WASF2: variants seen among roughly 807,000 people sequenced by gnomAD.
WASF2 encodes WASP family member 2.
A neutral mutation model predicts 45.0 loss-of-function variants in WASF2; 14 were observed. The observed-to-expected ratio is 0.31, with a 90% CI of 0.21 to 0.49. The LOEUF (loss-of-function observed/expected upper bound fraction) is 0.49, where lower values mean the gene tolerates loss of function less well. WASF2 is among the 20% of genes least tolerant of loss of function. The probability of loss-of-function intolerance (pLI) is 0.99; values close to 1 mark genes in which losing one functional copy is unlikely to be tolerated. For missense variants in WASF2, 439 were observed against 636.1 expected (o/e 0.69, Z 3.33); for synonymous variants, 200 against 236.3 (o/e 0.85, Z 1.41).
At chr1:27,418,869 T>G in intron 3 of WASF2, 85 bp downstream of exon 3, 2 of 1,349,560 alleles carry the variant, frequency 1.5e-6, no homozygotes, top group Non-Finnish European at 2.0e-6. Flanking sequence ...CTCCTCACGT[T>G]TTTTTTTTTT....
At chr1:27,469,258 T>C (rs1477950773) in intron 1 of WASF2, among the ~76,000 whole-genome samples, 2 of 152,208 alleles carry the variant, frequency 1.3e-5, no homozygotes, top group Admixed American at 6.5e-5. Flanking sequence ...GAGCTAATAA[T>C]TGTTGAAGCT....
intron 1 of WASF2, among the ~76,000 whole-genome samples, chr1:27,454,100 CAT>C (rs1193325116): frequency 1.7e-4 from 22 of 130,750 alleles, no homozygotes; most frequent in Admixed American, 1.1e-3. Flanking sequence ...AATATATATA[CAT>C]ATATATGTGT....
intron 1 of WASF2, among the ~76,000 whole-genome samples, chr1:27,437,466 A>G (rs532424382): frequency 6.6e-6 from 1 of 152,350 alleles, no homozygotes; most frequent in African/African-American, 2.4e-5. Flanking sequence ...TTTTGTATGC[A>G]AAGTATTCTG....
At position 27,404,575 on chromosome 1, in the gene WASF2, C is replaced by G; in HGVS notation, c.*3614G>C. ...CCTACTACACATATACCCCCCTTCCCTAAAATCTTGATGTGGCAAACACAC... is the reference window on the plus strand; with the variant it reads ...CCTACTACACATATACCCCCCTTCCGTAAAATCTTGATGTGGCAAACACAC... On this transcript the variant is annotated 3_prime_UTR_variant, in exon 9 of 9. Transcript: ENST00000618852. 1 of 152,140 alleles carries G rather than the reference C, an allele frequency of 6.6e-6. No individual in the cohort carries two copies. Among genetic ancestry groups the G allele is most frequent in the Middle Eastern group, 3.2e-3 (1 of 316 alleles). The allele number at this position is 152,140 out of a possible 1,614,324, so 9.4% of individuals were successfully genotyped here. A position where few individuals can be genotyped will look rare whatever the true frequency, so the allele number is the denominator to read the frequency against.
intron 1 of WASF2, among the ~76,000 whole-genome samples, chr1:27,445,656 G>C (rs1016827974): frequency 2.0e-5 from 3 of 152,046 alleles, no homozygotes; most frequent in Admixed American, 6.6e-5. Context: ...ATAAACACAG[G>C]CTTATTTAAA....
chr1:27,470,303 T>C (rs2017671950), intron 1 of WASF2, among the ~76,000 whole-genome samples: 1 of 152,190 alleles, frequency 6.6e-6, no homozygotes, highest in South Asian at 2.1e-4. Flanking sequence ...GATGATAGAA[T>C]ATTTAGGAAG....
At chr1:27,436,154 T>G (rs1171409903) in intron 1 of WASF2, among the ~76,000 whole-genome samples, 1 of 152,236 alleles carries the variant, frequency 6.6e-6, no homozygotes, top group Non-Finnish European at 1.5e-5. Context: ...TTCTTTATGT[T>G]AAAGAACATG....
intron 6 of WASF2, among the ~76,000 whole-genome samples, chr1:27,413,767 T>C (rs540636456): frequency 4.6e-5 from 7 of 152,322 alleles, no homozygotes; most frequent in Non-Finnish European, 8.8e-5. Flanking sequence ...CTTAGAGTCA[T>C]TGAACCTATG....
intron 1 of WASF2, among the ~76,000 whole-genome samples, chr1:27,436,612 T>A (rs2017141661): frequency 6.6e-6 from 1 of 152,208 alleles, no homozygotes; most frequent in Non-Finnish European, 1.5e-5. Flanking sequence ...AAGTATGAAT[T>A]TACTGTTGCA....
chr1:27,443,018 G>T (rs868793458), intron 1 of WASF2, among the ~76,000 whole-genome samples: 2 of 139,402 alleles, frequency 1.4e-5, no homozygotes, highest in Admixed American at 7.2e-5. Context: ...AAAAAAATTA[G>T]CCAGGCACGG....
chr1:27,437,540 T>C (rs1032760150), intron 1 of WASF2, among the ~76,000 whole-genome samples: 8 of 152,224 alleles, frequency 5.3e-5, no homozygotes, highest in African/African-American at 1.9e-4. Flanking sequence ...GCCCAATTCC[T>C]TGTTATGGAT....
intron 1 of WASF2, among the ~76,000 whole-genome samples, chr1:27,435,031 C>T (rs1293794869): frequency 2.0e-5 from 3 of 152,120 alleles, no homozygotes; most frequent in African/African-American, 7.2e-5. Flanking sequence ...ACCACAACCT[C>T]CGCCTCCCAG....
chr1:27,432,473 G>A (rs987939177), intron 1 of WASF2, among the ~76,000 whole-genome samples: 1 of 150,936 alleles, frequency 6.6e-6, no homozygotes, highest in African/African-American at 2.4e-5. Flanking sequence ...ATGGTGAAAC[G>A]CCGTCTCTAC....
chr1:27,421,770 C>T (rs1249181776), intron 2 of WASF2, among the ~76,000 whole-genome samples: 2 of 151,508 alleles, frequency 1.3e-5, no homozygotes, highest in Admixed American at 6.6e-5. Flanking sequence ...GAGCCAAGAT[C>T]GCGCCATTGC....
chr1:27,438,696 G>A (rs2017169412), intron 1 of WASF2, among the ~76,000 whole-genome samples: 3 of 152,314 alleles, frequency 2.0e-5, no homozygotes, highest in Middle Eastern at 3.4e-3. Flanking sequence ...CCTGAGATGT[G>A]ACTATTAATA....
At chr1:27,439,991 A>C (rs543256445) in intron 1 of WASF2, among the ~76,000 whole-genome samples, 1 of 152,134 alleles carries the variant, frequency 6.6e-6, no homozygotes, top group South Asian at 2.1e-4. Flanking sequence ...ACAGAATGAG[A>C]CTCTGTCTCA....
intron 1 of WASF2, among the ~76,000 whole-genome samples, chr1:27,439,464 T>C (rs74061800): frequency 0.073 from 11,153 of 152,258 alleles, 452 homozygotes; most frequent in Middle Eastern, 0.11. Flanking sequence ...GTATTAATGG[T>C]TAACTACTAA....
rs764392418 is a variant in WASF2 at position 27,428,876 on chromosome 1, C to T, written c.15G>A (p.Thr5=). Residue 5 remains threonine (T), a synonymous_variant, in exon 2 of 9, where the codon ACG becomes ACA. Transcript: ENST00000618852. ...ACAGGTGCCTTGGCTCGATGTTCCT[C>T]GTTACTAACGGCATGGTGGACCTGC... MPLV[T]RNIEPRHLCR... 25 of 1,613,868 alleles carry T rather than the reference C, an allele frequency of 1.5e-5. No homozygotes were observed. Among genetic ancestry groups the T allele is most frequent in the South Asian group, 1.5e-4 (14 of 91,064 alleles).
chr1:27,436,989 C>T (rs1240140016), intron 1 of WASF2, among the ~76,000 whole-genome samples: 1 of 152,146 alleles, frequency 6.6e-6, no homozygotes, highest in African/African-American at 2.4e-5. Context: ...GGCTTTAAGA[C>T]AGTAGCTGAG....
Sources: gnomAD v4.1 joint callset for allele counts (sites outside exome capture counted in the v4.1 genomes callset) on GRCh38, gnomAD v4.1.1 for gene constraint, MANE v1.5 for transcripts, NCBI Gene and HGNC (gene_info 2026-07-23, HGNC 2026-07-21) for gene names.